The following GRTP1 variants were observed in gnomAD, a reference collection of about 807,000 sequenced individuals.
GRTP1 encodes the protein growth hormone regulated TBC protein 1.
Under a neutral mutation model 38.1 loss-of-function variants are expected in GRTP1, and 56 were observed. That is an observed-to-expected ratio of 1.47 (90% CI 1.19 to 1.84). GRTP1 has a LOEUF of 1.84. Among genes scored for constraint, GRTP1 ranks in the 40% most tolerant of loss-of-function variants. The pLI is 0.00. For synonymous variants in GRTP1, 217 were observed against 189.5 expected, an observed-to-expected ratio of 1.14 and a Z score of -1.19; for missense variants, 506 against 453.9, an observed-to-expected ratio of 1.11 and a Z score of -1.04.
intron 5 of GRTP1, chr13:113,340,069 C>G (rs2043005269): frequency 6.6e-6 from 1 of 151,102 alleles, no homozygotes; most frequent in Non-Finnish European, 1.5e-5. Context: ...AGTGCAGTGG[C>G]ACTACCACAG....
rs1230283761 is a variant in GRTP1 at position 113,355,439 on chromosome 13, G to T, written c.224C>A (p.Ala75Asp). 1.2e-6 allele frequency: 2 copies of T among 1,613,754 alleles called. No individual in the cohort carries two copies. The highest frequency in any genetic ancestry group is 1.7e-6 in the Non-Finnish European group (2 of 1,179,878). The change falls in exon 3 of 8, where the codon GCC becomes GAC. Residue 75 changes from alanine (A) to aspartate (D), a missense_variant. Physicochemically the swap from Ala to Asp is moderately radical, Grantham distance 126 (BLOSUM62 -2). Coordinates refer to ENST00000375431, the MANE Select transcript of GRTP1 (RefSeq NM_024719.4). ...CCCACTCAGCACCATCCAGACGCGG[G>T]CACGGTGCTCCAGCGGGACCCCTTT... The part of the protein sequence containing the change: ...VRKGVPLEHR[A>D]RVWMVLSGAQ...
rs2043205430 is a variant in GRTP1, at chr13:113,348,354, G to A, written c.465+2495C>T. ...TGGTCCCAGCTACTCAGGAGGCCAA[G>A]GTGGGAAAATCGCTTGAGCAAAGGA... On this transcript the variant is annotated intron_variant, in intron 4 of 7. Coordinates refer to ENST00000375431, the MANE Select transcript of GRTP1 (RefSeq NM_024719.4). This position sits in a 1 kb window ranked among gnomAD's most constrained non-coding sequence, Gnocchi z 4.8. Among the ~76,000 whole-genome samples the A allele has an allele frequency of 6.6e-6, 1 of 152,194 alleles. No homozygotes were observed. Among genetic ancestry groups the A allele is most frequent in the Non-Finnish European group, 1.5e-5 (1 of 68,036 alleles).
chr13:113,347,717 C>T (rs1348964629), intron 4 of GRTP1, among the ~76,000 whole-genome samples: 2 of 103,134 alleles, frequency 1.9e-5, no homozygotes, highest in Admixed American at 9.0e-5. Flanking sequence ...AGAGAGCAGA[C>T]CCGGGAGGAC....
intron 5 of GRTP1, among the ~76,000 whole-genome samples, chr13:113,338,271 G>T (rs2042981893): frequency 6.6e-6 from 1 of 152,206 alleles, no homozygotes; most frequent in East Asian, 1.9e-4. Flanking sequence ...AGAGGCCGCG[G>T]GTGTGGCAGG....
chr13:113,356,762 G>A (rs2043395259), intron 2 of GRTP1, among the ~76,000 whole-genome samples: 1 of 152,120 alleles, frequency 6.6e-6, no homozygotes, highest in Admixed American at 6.5e-5. Context: ...AAAACTTTAT[G>A]AGCTCAAATT....
chr13:113,325,652 C>T lies in GRTP1; in HGVS notation c.921+9G>A, dbSNP rs2042750405. 6.2e-7 allele frequency: 1 copy of T among 1,603,514 alleles called. No homozygotes were observed. Among genetic ancestry groups the T allele is most frequent in the African/African-American group, 1.5e-5 (1 of 64,826 alleles). On this transcript the variant is annotated intron_variant, in intron 7 of 7. Coordinates refer to ENST00000375431, the MANE Select transcript of GRTP1 (RefSeq NM_024719.4). ...GGGAGGGGACTGAGCCACGTGCAGCCCCACACACCTGCATAAACGTGTGAC... is the reference window on the plus strand; with the variant it reads ...GGGAGGGGACTGAGCCACGTGCAGCTCCACACACCTGCATAAACGTGTGAC...
chr13:113,357,330 A>G (rs1175605070), intron 2 of GRTP1, among the ~76,000 whole-genome samples: 1 of 151,458 alleles, frequency 6.6e-6, no homozygotes, highest in African/African-American at 2.4e-5. Flanking sequence ...CTGTAGTCCT[A>G]GCTACTCGGC....
intron 4 of GRTP1, among the ~76,000 whole-genome samples, chr13:113,350,628 T>C (rs1416792814): frequency 1.3e-5 from 2 of 151,798 alleles, no homozygotes; most frequent in African/African-American, 2.4e-5. Flanking sequence ...CTGTGTCCCG[T>C]GCTGATTCTC....
rs567981797 is a variant in GRTP1 at position 113,325,580 on chromosome 13, C to T, written c.921+81G>A. On this transcript the variant is annotated intron_variant, in intron 7 of 7. Coordinates refer to ENST00000375431, the MANE Select transcript of GRTP1 (RefSeq NM_024719.4). ...ACTGGTGCCCGTCCTGTGCACCCTC[C>T]GGGTGGTCAGAGCAGCCCCCGGGCT... 173 of 1,607,014 alleles carry T rather than the reference C, an allele frequency of 1.1e-4. 1 individual carries two copies. In the African/African-American group the frequency reaches 1.7e-3, roughly 16 times the overall value.
chr13:113,360,161 C>T (rs1445144993), intron 2 of GRTP1: 2 of 152,156 alleles, frequency 1.3e-5, no homozygotes, highest in Non-Finnish European at 2.9e-5. Flanking sequence ...AGCTGCTTCC[C>T]TGCAGACGTC....
intron 7 of GRTP1, 102 bp from the exon 8 acceptor site, chr13:113,324,679 G>A (rs2042733203): frequency 2.7e-6 from 4 of 1,498,052 alleles, no homozygotes; most frequent in African/African-American, 1.4e-5. Context: ...GTGAGGTGAG[G>A]GAGGAGCAGT....
chr13:113,327,493 AAT>A (rs909316523), intron 5 of GRTP1, among the ~76,000 whole-genome samples: 2 of 152,288 alleles, frequency 1.3e-5, no homozygotes, highest in African/African-American at 4.8e-5. Flanking sequence ...TTGTTAATTC[AAT>A]ATCTTGGTTA....
intron 5 of GRTP1, chr13:113,339,725 A>G (rs552781419): frequency 9.2e-5 from 14 of 152,354 alleles, no homozygotes; most frequent in African/African-American, 3.4e-4. Context: ...TTTAATTATT[A>G]GAGCATTATA....
At position 113,326,016 on chromosome 13, in the gene GRTP1, G is replaced by T. The variant is rs540512358; in HGVS notation, c.638C>A (p.Pro213Gln). The T allele has an allele frequency of 1.9e-6, 3 of 1,612,962 alleles. No homozygotes were observed. In the South Asian group the frequency reaches 3.3e-5, roughly 18 times the overall value. The change falls in exon 6 of 8, where the codon CCG (proline) becomes CAG (glutamine). Residue 213 changes from proline to glutamine, a missense_variant. Physicochemically the swap from Pro to Gln is moderately conservative, Grantham distance 76. Transcript: ENST00000375431. ...ACGCTCCATCAGGGCCCCCACAGCC[G>T]GCAGCTTCGCCCGCACCAGCTCCCC... ...VLGELVRAKL[P>Q]AVGALMERLG...
In GRTP1 at chr13:113,363,769, G is replaced by A; in HGVS notation, c.174C>T (p.Ser58=). 6 of 1,570,128 alleles carry A rather than the reference G, an allele frequency of 3.8e-6. No individual in the cohort carries two copies. The highest frequency in any genetic ancestry group is 5.2e-6 in the Non-Finnish European group (6 of 1,157,774). The change falls in exon 2 of 8, where the codon AGC becomes AGT. Residue 58 remains serine (S), a synonymous_variant. Coordinates refer to ENST00000375431, the MANE Select transcript of GRTP1 (RefSeq NM_024719.4). Reference sequence around the variant, plus strand: ...TGCGCCCCCGGGACCCACCTGTCCGGCTCCTGGGGACGCCCCCGCCCTGCA... The same window carrying A: ...TGCGCCCCCGGGACCCACCTGTCCGACTCCTGGGGACGCCCCCGCCCTGCA... The part of the protein sequence containing the change: ...RLLQGGGVPR[S]RTVKRYVRKG...
chr13:113,352,334 ATTTTATATATATATTTATATATATT>A, intron 3 of GRTP1, among the ~76,000 whole-genome samples: 1 of 74,116 alleles, frequency 1.3e-5, no homozygotes. Context: ...TTTTATATAT[ATTTTATATATATATTTATATATATT>A]TTATATATAT....
intron 2 of GRTP1, chr13:113,355,685 C>A (rs1261590207): frequency 7.9e-6 from 4 of 507,320 alleles, no homozygotes; most frequent in Admixed American, 7.7e-5. Flanking sequence ...AGAGCACAAA[C>A]CAGACTGGCT....
chr13:113,334,068 C>T (rs1713007838), intron 5 of GRTP1, among the ~76,000 whole-genome samples: 1 of 152,062 alleles, frequency 6.6e-6, no homozygotes, highest in Admixed American at 6.6e-5. Context: ...CTCCTGACCC[C>T]AGGTGATCTG....
chr13:113,356,723 G>A (rs2139525680), intron 2 of GRTP1, among the ~76,000 whole-genome samples: 1 of 152,292 alleles, frequency 6.6e-6, no homozygotes, highest in East Asian at 1.9e-4. Flanking sequence ...TAACTTTATA[G>A]GCTACAGTCA....
Sources: gnomAD v4.1 joint callset for allele counts (sites outside exome capture counted in the v4.1 genomes callset) on GRCh38, gnomAD v4.1.1 for gene constraint, Gnocchi (gnomAD v3.1) non-coding constraint, MANE v1.5 for transcripts, NCBI Gene and HGNC (gene_info 2026-07-23, HGNC 2026-07-21) for gene names.